GALNTL6: variants seen among roughly 807,000 people sequenced by gnomAD.
GALNTL6 encodes polypeptide N-acetylgalactosaminyltransferase-like 6.
GALNTL6 carries 46 observed loss-of-function variants against 73.7 expected under a neutral mutation model. The observed-to-expected ratio is 0.62, with a 90% CI of 0.49 to 0.80. The LOEUF (loss-of-function observed/expected upper bound fraction) is 0.80, where lower values mean the gene tolerates loss of function less well. GALNTL6 is among the 30% of genes least tolerant of loss of function. The pLI is 0.00. For missense variants in GALNTL6, 604 were observed against 755.0 expected (o/e 0.80, Z 2.34); for synonymous variants, 259 against 263.7 (o/e 0.98, Z 0.17).
intron 2 of GALNTL6, among the ~76,000 whole-genome samples, chr4:171,910,214 C>T (rs1737433217): frequency 6.6e-6 from 1 of 152,082 alleles, no homozygotes; most frequent in South Asian, 2.1e-4. Flanking sequence ...TTATCCTTCT[C>T]CCCTTTACAT....
intron 5 of GALNTL6, among the ~76,000 whole-genome samples, chr4:172,486,266 A>T (rs1344637626): frequency 6.6e-6 from 1 of 152,312 alleles, no homozygotes; most frequent in East Asian, 1.9e-4. Context: ...TGAGAAACTG[A>T]TTGATTTGAA....
At chr4:172,296,566 T>G (rs1009573921) in intron 3 of GALNTL6, among the ~76,000 whole-genome samples, 1 of 152,060 alleles carries the variant, frequency 6.6e-6, no homozygotes, top group Non-Finnish European at 1.5e-5. Context: ...CCTGTGTCCA[T>G]GTGTTCTCAT....
intron 2 of GALNTL6, among the ~76,000 whole-genome samples, chr4:172,124,856 G>A (rs1733252807): frequency 6.6e-6 from 1 of 152,092 alleles, no homozygotes; most frequent in Non-Finnish European, 1.5e-5. Context: ...GGGAATACAT[G>A]GCTCTTAGTA....
At chr4:172,143,997 C>T (rs1733864698) in intron 2 of GALNTL6, among the ~76,000 whole-genome samples, 1 of 152,022 alleles carries the variant, frequency 6.6e-6, no homozygotes, top group Non-Finnish European at 1.5e-5. Context: ...TGGCAATAAC[C>T]AGAACAACTC....
chr4:172,345,091 A>AT (rs1741693652), intron 4 of GALNTL6, among the ~76,000 whole-genome samples: 1 of 124,450 alleles, frequency 8.0e-6, no homozygotes, highest in African/African-American at 3.9e-5. Context: ...ATGAAGAGGT[A>AT]TTGTTTTTTT....
intron 5 of GALNTL6, among the ~76,000 whole-genome samples, chr4:172,419,897 AC>A (rs1280210450): frequency 1.3e-5 from 2 of 152,306 alleles, no homozygotes; most frequent in Non-Finnish European, 2.9e-5. Flanking sequence ...TTGTGTCAGC[AC>A]TAACTGCACA....
chr4:172,518,119 T>A (rs28541445), intron 5 of GALNTL6, among the ~76,000 whole-genome samples: 6,254 of 151,804 alleles, frequency 0.041, 399 homozygotes, highest in African/African-American at 0.14. Context: ...AAAGTTAGAG[T>A]CACCAAAGGG....
At chr4:171,846,499 T>A (rs1165509441) in intron 2 of GALNTL6, among the ~76,000 whole-genome samples, 1 of 152,158 alleles carries the variant, frequency 6.6e-6, no homozygotes, top group Non-Finnish European at 1.5e-5. Context: ...CATTTTGAAT[T>A]TCAATTGTAG....
intron 10 of GALNTL6, among the ~76,000 whole-genome samples, chr4:172,989,894 C>T (rs1333815910): frequency 6.6e-6 from 1 of 152,172 alleles, no homozygotes; most frequent in Non-Finnish European, 1.5e-5. Flanking sequence ...CTGGAGGTTT[C>T]TCCATAAGGA....
At position 171,920,383 on chromosome 4, in the gene GALNTL6, A is replaced by T. The variant is rs543566320; in HGVS notation, c.138+105665A>T. On this transcript the variant is annotated intron_variant, in intron 2 of 12. Transcript: ENST00000506823. Reference sequence around the variant, plus strand: ...TACCCTAAAACTTAAAGTATAATTTAAAAAAAAAAGAAAAAGAAAAAGAAA... The same window carrying T: ...TACCCTAAAACTTAAAGTATAATTTTAAAAAAAAAGAAAAAGAAAAAGAAA... Among the ~76,000 whole-genome samples the T allele has an allele frequency of 4.7e-5, 7 of 149,442 alleles. No homozygotes were observed. In the East Asian group the frequency reaches 9.7e-4, roughly 21 times the overall value.
intron 4 of GALNTL6, among the ~76,000 whole-genome samples, chr4:172,347,221 C>T (rs541453019): frequency 2.2e-4 from 33 of 152,122 alleles, no homozygotes; most frequent in African/African-American, 7.9e-4. Flanking sequence ...AACTCCAGGA[C>T]TCAAGTGATC....
intron 2 of GALNTL6, among the ~76,000 whole-genome samples, chr4:171,820,972 A>G (rs1280751325): frequency 6.6e-6 from 1 of 152,198 alleles, no homozygotes; most frequent in Non-Finnish European, 1.5e-5. Flanking sequence ...TATATTAAAA[A>G]TGACCAAATT....
chr4:172,203,421 C>T (rs1393714068), intron 2 of GALNTL6, among the ~76,000 whole-genome samples: 4 of 152,032 alleles, frequency 2.6e-5, no homozygotes, highest in Non-Finnish European at 4.4e-5. Context: ...ATCTCAGAAA[C>T]GATGGCGGTA....
chr4:172,685,499 G>A lies in GALNTL6; in HGVS notation c.554-123862G>A, dbSNP rs560243515. On this transcript the variant is annotated intron_variant, in intron 5 of 12. Transcript: ENST00000506823. ...ATATCCAAAGGCACATTAAAGAACCGAGCAAGAATTGATTACCAGTGTGAC... is the reference window on the plus strand; with the variant it reads ...ATATCCAAAGGCACATTAAAGAACCAAGCAAGAATTGATTACCAGTGTGAC... Among the ~76,000 whole-genome samples the A allele has an allele frequency of 6.6e-5, 10 of 152,236 alleles. 1 individual carries two copies. The highest frequency in any genetic ancestry group is 4.1e-4 in the South Asian group (2 of 4,830).
At chr4:173,026,183 C>T (rs1410161252) in intron 12 of GALNTL6, among the ~76,000 whole-genome samples, 3 of 152,064 alleles carry the variant, frequency 2.0e-5, no homozygotes, top group Non-Finnish European at 4.4e-5. Flanking sequence ...TGGGATATAG[C>T]CCCAAAAATT....
chr4:172,444,335 T>A (rs1362626544), intron 5 of GALNTL6, among the ~76,000 whole-genome samples: 1 of 152,206 alleles, frequency 6.6e-6, no homozygotes, highest in Admixed American at 6.5e-5. Flanking sequence ...AAAAATGATG[T>A]ATTTATTGTG....
At chr4:171,884,917 TGTG>T (rs1736565403) in intron 2 of GALNTL6, among the ~76,000 whole-genome samples, 1 of 151,190 alleles carries the variant, frequency 6.6e-6, no homozygotes, top group Non-Finnish European at 1.5e-5. Context: ...ATTAGCTGAG[TGTG>T]GTGGTGGGTG....
chr4:172,158,388 C>T (rs1734349668), intron 2 of GALNTL6, among the ~76,000 whole-genome samples: 1 of 151,758 alleles, frequency 6.6e-6, no homozygotes, highest in Non-Finnish European at 1.5e-5. Context: ...CATAATTTTC[C>T]CCTGGTTACT....
At chr4:172,910,735 C>A (rs1267074725) in intron 8 of GALNTL6, among the ~76,000 whole-genome samples, 2 of 152,300 alleles carry the variant, frequency 1.3e-5, no homozygotes, top group Admixed American at 1.3e-4. Context: ...TAGGAAATCC[C>A]TGAGCAAAGA....
Sources: allele counts gnomAD v4.1 joint callset (sites outside exome capture counted in the v4.1 genomes callset), GRCh38; gene constraint gnomAD v4.1.1; transcripts MANE v1.5; gene names NCBI Gene and HGNC (gene_info 2026-07-23, HGNC 2026-07-21).